The following GATAD2A variants were observed in gnomAD, a reference collection of about 807,000 sequenced individuals.
GATAD2A encodes transcriptional repressor p66-alpha.
GATAD2A carries 12 observed loss-of-function variants against 68.5 expected under a neutral mutation model. The observed-to-expected ratio is 0.18, with a 90% CI of 0.11 to 0.28. GATAD2A has a LOEUF of 0.28. GATAD2A is among the 10% of genes least tolerant of loss of function. The pLI is 1.00. For missense variants in GATAD2A, 755 were observed against 868.5 expected (o/e 0.87, Z 1.64); for synonymous variants, 410 against 375.3 (o/e 1.09, Z -1.07).
chr19:19,484,544 T>C (rs954147997), intron 2 of GATAD2A, among the ~76,000 whole-genome samples: 2 of 144,646 alleles, frequency 1.4e-5, no homozygotes, highest in African/African-American at 2.6e-5. Context: ...TTTTTTTTTT[T>C]TTTTTTGAGA....
At chr19:19,392,764 T>C (rs10408875) in intron 1 of GATAD2A, among the ~76,000 whole-genome samples, 17,560 of 150,484 alleles carry the variant, frequency 0.12, 1,066 homozygotes, top group South Asian at 0.17. Context: ...TGGCACAATC[T>C]TGGCTCACTG....
chr19:19,403,493 C>T (rs1234052561), upstream of GATAD2A, among the ~76,000 whole-genome samples: 1 of 152,128 alleles, frequency 6.6e-6, no homozygotes, highest in Non-Finnish European at 1.5e-5. Flanking sequence ...GGAGCAGGCC[C>T]TGTCACCAGT....
rs754879874 is a variant in GATAD2A, at chr19:19,429,389, G to A, written c.-7+23370G>A. ...AGTAGGCAGGCGTGCTGGGTCTGAG[G>A]AATTGAAAGGAGGCCAGGTGGTTGG... On this transcript the variant is annotated intron_variant, in intron 1 of 11. Transcript: ENST00000683918. The A allele has an allele frequency of 1.9e-4, 39 of 202,264 alleles. 1 individual carries two copies. The highest frequency in any genetic ancestry group is 3.1e-4 in the Non-Finnish European group (35 of 114,004). The allele number at this position is 202,264 out of a possible 1,614,324, so 12.5% of individuals were successfully genotyped here. A position where few individuals can be genotyped will look rare whatever the true frequency, so the allele number is the denominator to read the frequency against.
At chr19:19,388,993 C>T (rs1445971450) in intron 1 of GATAD2A, among the ~76,000 whole-genome samples, 6 of 152,008 alleles carry the variant, frequency 3.9e-5, no homozygotes, top group East Asian at 1.9e-4. Context: ...CAGGATTTGA[C>T]GACATTTCTG....
At chr19:19,452,960 C>G (rs1378890691) in intron 1 of GATAD2A, among the ~76,000 whole-genome samples, 1 of 152,190 alleles carries the variant, frequency 6.6e-6, no homozygotes, top group African/African-American at 2.4e-5. Context: ...CGACCTCGCT[C>G]TCCCTCAGTC....
intron 2 of GATAD2A, chr19:19,474,287 C>G: frequency 2.7e-6 from 1 of 371,208 alleles, no homozygotes; most frequent in African/African-American, 2.2e-5. Flanking sequence ...CTGGTGTGCC[C>G]GAGACAGTGA....
chr19:19,409,611 T>C (rs1407436147), intron 1 of GATAD2A, among the ~76,000 whole-genome samples: 6 of 152,182 alleles, frequency 3.9e-5, no homozygotes, highest in Non-Finnish European at 8.8e-5. Flanking sequence ...AAGTGCTAAC[T>C]GTGCAAAGGT....
chr19:19,473,800 G>T (rs80052549), intron 2 of GATAD2A, among the ~76,000 whole-genome samples: 1 of 148,152 alleles, frequency 6.7e-6, no homozygotes, highest in African/African-American at 2.5e-5. Context: ...AAAAAAATTA[G>T]CCGGGCGTAG....
chr19:19,415,973 C>T (rs1049034256), intron 1 of GATAD2A, among the ~76,000 whole-genome samples: 1 of 151,604 alleles, frequency 6.6e-6, no homozygotes, highest in Admixed American at 6.6e-5. Flanking sequence ...TTTTCCCCCC[C>T]AAGAGACATG....
chr19:19,453,636 C>T (rs1289545116), intron 1 of GATAD2A, among the ~76,000 whole-genome samples: 1 of 151,968 alleles, frequency 6.6e-6, no homozygotes, highest in African/African-American at 2.4e-5. Context: ...GCTGAGACCA[C>T]AGGCGTGTAC....
chr19:19,477,045 CTT>C (rs1380855690), intron 2 of GATAD2A, among the ~76,000 whole-genome samples: 1 of 152,204 alleles, frequency 6.6e-6, no homozygotes, highest in Non-Finnish European at 1.5e-5. Flanking sequence ...GTGAATGCCT[CTT>C]GTCTCCTCTG....
Position 19,420,390 on chromosome 19 carries a change from G to A in GATAD2A, c.-7+14371G>A, listed in dbSNP as rs984041565. On this transcript the variant is annotated intron_variant, in intron 1 of 11. Coordinates refer to ENST00000683918, the MANE Select transcript of GATAD2A (RefSeq NM_001384528.1). ...TCTGTCACCCAGGCTGGAGTGCAGTGGCGCGATCTCGGCTCACTGGAAGCT... is the reference window on the plus strand; with the variant it reads ...TCTGTCACCCAGGCTGGAGTGCAGTAGCGCGATCTCGGCTCACTGGAAGCT... Among the ~76,000 whole-genome samples, 4 of 143,840 alleles carry A rather than the reference G, an allele frequency of 2.8e-5. No individual in the cohort carries two copies. The Admixed American group carries it at 2.9e-4, about 10-fold the overall frequency. 94.4% of individuals were successfully genotyped at this position (143,840 alleles called of 152,430 possible).
At chr19:19,493,868 C>G (rs974508219) in intron 4 of GATAD2A, among the ~76,000 whole-genome samples, 9 of 152,198 alleles carry the variant, frequency 5.9e-5, no homozygotes, top group Admixed American at 1.3e-4. Context: ...GTCACTGGCC[C>G]TTCTCTACTG....
rs774950663 is a variant in GATAD2A at position 19,495,889 on chromosome 19, A to G, written c.756+4A>G. On this transcript the variant is annotated splice_donor_region_variant and intron_variant, in intron 6 of 11. Transcript: ENST00000683918. Reference sequence around the variant, plus strand: ...CCCACTCGTCAGGGGGGCTCAGGTAAGCAGGGCTGTGCACATGGGGGAGAC... The same window carrying G: ...CCCACTCGTCAGGGGGGCTCAGGTAGGCAGGGCTGTGCACATGGGGGAGAC... The G allele has an allele frequency of 1.2e-5, 20 of 1,611,142 alleles. 1 individual carries two copies. In the Admixed American group the frequency reaches 2.8e-4, roughly 23 times the overall value.
intron 1 of GATAD2A, among the ~76,000 whole-genome samples, chr19:19,464,404 T>C (rs2057708184): frequency 1.3e-5 from 2 of 152,198 alleles, no homozygotes; most frequent in Admixed American, 1.3e-4. Context: ...GAGGCCGGGA[T>C]TAGAGCAGCC....
chr19:19,501,922 C>A, intron 9 of GATAD2A, 47 bp from the exon 10 acceptor site: 1 of 1,476,386 alleles, frequency 6.8e-7, no homozygotes, highest in Non-Finnish European at 9.5e-7. Context: ...CACCCTGGGC[C>A]GGCCAGCGGA....
At chr19:19,498,409 C>A in intron 7 of GATAD2A, 34 bp from the exon 8 acceptor site, 1 of 1,580,952 alleles carries the variant, frequency 6.3e-7, no homozygotes, top group Non-Finnish European at 8.6e-7. Flanking sequence ...GGCAGGCGCA[C>A]GGAGCGCCCT....
chr19:19,401,560 T>C (rs1451521401), upstream of GATAD2A, among the ~76,000 whole-genome samples: 1 of 152,046 alleles, frequency 6.6e-6, no homozygotes, highest in Non-Finnish European at 1.5e-5. Flanking sequence ...TGAAATCATT[T>C]TGTGTCTTTC....
chr19:19,418,442 A>G (rs982793645), intron 1 of GATAD2A, among the ~76,000 whole-genome samples: 8 of 152,222 alleles, frequency 5.3e-5, no homozygotes, highest in Non-Finnish European at 8.8e-5. Flanking sequence ...CTCTGTTCCT[A>G]TGAATGAAAT....
Sources: allele counts gnomAD v4.1 joint callset (sites outside exome capture counted in the v4.1 genomes callset), GRCh38; gene constraint gnomAD v4.1.1; transcripts MANE v1.5; gene names NCBI Gene and HGNC (gene_info 2026-07-23, HGNC 2026-07-21).